Variants in CEP63 observed in about 807,000 individuals in gnomAD.
CEP63 encodes the protein centrosomal protein of 63 kDa.
CEP63 carries 84 observed loss-of-function variants against 89.1 expected under a neutral mutation model. That is an observed-to-expected ratio of 0.94 (90% CI 0.79 to 1.13). The LOEUF (loss-of-function observed/expected upper bound fraction) is 1.13. Ranked by LOEUF, CEP63 falls within the 50% of genes most tolerant of loss-of-function variation. The probability of loss-of-function intolerance (pLI) is 0.00; values close to 1 mark genes in which losing one functional copy is unlikely to be tolerated. For missense variants in CEP63, 838 were observed against 813.3 expected (o/e 1.03, Z -0.37); for synonymous variants, 267 against 272.5 (o/e 0.98, Z 0.20).
chr3:134,639,980 A>G, the CEP63 span: 2 of 146,240 alleles, frequency 1.4e-5, no homozygotes, highest in African/African-American at 5.7e-5. Flanking sequence ...AAAAAAAAAG[A>G]AAGAATGTTC....
intron 2 of CEP63, among the ~76,000 whole-genome samples, chr3:134,502,715 G>C (rs2108292822): frequency 6.6e-6 from 1 of 151,672 alleles, no homozygotes; most frequent in Non-Finnish European, 1.5e-5. Flanking sequence ...CCTTTTTTTT[G>C]GTGATTTAGC....
the CEP63 span, among the ~76,000 whole-genome samples, chr3:134,693,820 GT>G: frequency 6.6e-6 from 1 of 152,212 alleles, no homozygotes; most frequent in Admixed American, 6.5e-5. Flanking sequence ...CTCCACAGGA[GT>G]TTTTTGCCTC....
At chr3:134,648,561 C>A in the CEP63 span, among the ~76,000 whole-genome samples, 1 of 152,134 alleles carries the variant, frequency 6.6e-6, no homozygotes, top group African/African-American at 2.4e-5. Flanking sequence ...CTTTCAGGCA[C>A]GTTTTGGAGA....
intron 12 of CEP63, chr3:134,553,515 A>C (rs1955384654): frequency 6.6e-6 from 1 of 152,230 alleles, no homozygotes; most frequent in Non-Finnish European, 1.5e-5. Flanking sequence ...AAGAATGTAG[A>C]TAGATACCTC....
chr3:134,488,645 C>A (rs1936524109), intron 1 of CEP63, among the ~76,000 whole-genome samples: 1 of 152,056 alleles, frequency 6.6e-6, no homozygotes, highest in South Asian at 2.1e-4. Flanking sequence ...ATTCCTCCCC[C>A]AAAACATTTC....
chr3:134,674,534 A>G, the CEP63 span, among the ~76,000 whole-genome samples: 50 of 152,338 alleles, frequency 3.3e-4, no homozygotes, highest in African/African-American at 1.1e-3. Flanking sequence ...GGAACAGGAC[A>G]TGCATATCTG....
chr3:134,627,382 C>T, the CEP63 span, among the ~76,000 whole-genome samples: 2 of 152,214 alleles, frequency 1.3e-5, no homozygotes, highest in African/African-American at 4.8e-5. Flanking sequence ...TATCATCCCT[C>T]TCAGTGTTTC....
chr3:134,653,546 T>C, the CEP63 span, among the ~76,000 whole-genome samples: 2 of 152,208 alleles, frequency 1.3e-5, no homozygotes, highest in African/African-American at 2.4e-5. Context: ...ATTCCCATCC[T>C]TGGCCTGGGT....
intron 3 of CEP63, among the ~76,000 whole-genome samples, chr3:134,516,484 G>A (rs749058806): frequency 4.3e-4 from 65 of 152,144 alleles, no homozygotes; most frequent in Non-Finnish European, 8.1e-4. Flanking sequence ...GACCCTTTAC[G>A]GGTGTCGGGC....
intron 5 of CEP63, 40 bp from the exon 6 acceptor site, chr3:134,537,115 A>G (rs760883586): frequency 5.0e-6 from 6 of 1,211,282 alleles, no homozygotes. Context: ...GACAGTGAGG[A>G]GAAGCACTCA....
chr3:134,728,210 T>C, the CEP63 span, among the ~76,000 whole-genome samples: 1 of 152,332 alleles, frequency 6.6e-6, no homozygotes, highest in African/African-American at 2.4e-5. Flanking sequence ...GAGTTCTTAA[T>C]TTCAGTGAGC....
At chr3:134,494,300 G>A (rs1213595481) in intron 1 of CEP63, among the ~76,000 whole-genome samples, 2 of 150,260 alleles carry the variant, frequency 1.3e-5, no homozygotes, top group South Asian at 2.1e-4. Context: ...TTTTTTGGTA[G>A]AGGCGGAGTT....
chr3:134,516,645 C>T (rs1337470588), intron 3 of CEP63, among the ~76,000 whole-genome samples: 5 of 152,202 alleles, frequency 3.3e-5, no homozygotes, highest in Admixed American at 3.3e-4. Context: ...GGTGATGACT[C>T]TTAAGGAGCA....
At chr3:134,703,639 T>C in the CEP63 span, among the ~76,000 whole-genome samples, 1 of 150,254 alleles carries the variant, frequency 6.7e-6, no homozygotes, top group South Asian at 2.1e-4. Flanking sequence ...AGATCAGGGG[T>C]GGGAGGAGGG....
the CEP63 span, among the ~76,000 whole-genome samples, chr3:134,715,857 A>C: frequency 7.1e-3 from 1,073 of 152,156 alleles, 11 homozygotes; most frequent in African/African-American, 0.023. Context: ...CAACCCCACA[A>C]ATTTATCATC....
intron 10 of CEP63, among the ~76,000 whole-genome samples, chr3:134,580,080 A>G (rs1958308434): frequency 6.6e-6 from 1 of 152,106 alleles, no homozygotes; most frequent in Non-Finnish European, 1.5e-5. Flanking sequence ...CTGTAATCCC[A>G]GCTACTGGGG....
At chr3:134,662,750 G>T in the CEP63 span, among the ~76,000 whole-genome samples, 1 of 152,236 alleles carries the variant, frequency 6.6e-6, no homozygotes, top group East Asian at 1.9e-4. Context: ...GATAGCGTCT[G>T]GGCTGTGCTG....
intron 3 of CEP63, among the ~76,000 whole-genome samples, chr3:134,527,861 A>C (rs1948981082): frequency 6.6e-6 from 1 of 152,004 alleles, no homozygotes; most frequent in Non-Finnish European, 1.5e-5. Flanking sequence ...GGACAAGACT[A>C]CCCTGCAGAG....
downstream of CEP63, among the ~76,000 whole-genome samples, chr3:134,588,925 A>G (rs1397117780): frequency 6.6e-6 from 1 of 152,242 alleles, no homozygotes; most frequent in East Asian, 1.9e-4. Flanking sequence ...AAAAGGCATC[A>G]ATAACTCCTT....
Sources: allele counts gnomAD v4.1 joint callset (sites outside exome capture counted in the v4.1 genomes callset), GRCh38; gene constraint gnomAD v4.1.1; transcripts MANE v1.5; gene names NCBI Gene and HGNC (gene_info 2026-07-23, HGNC 2026-07-21).